MIOX: variants seen among roughly 807,000 people sequenced by gnomAD.
MIOX encodes the protein myo-inositol oxygenase.
In MIOX, 51 loss-of-function variants were observed where a neutral mutation model predicts 42.7. The observed-to-expected ratio is 1.19, with a 90% CI of 0.95 to 1.51. MIOX has a LOEUF of 1.51. Among genes scored for constraint, MIOX ranks in the 40% most tolerant of loss-of-function variants. MIOX has a pLI of 0.00. For synonymous variants in MIOX, 168 were observed against 154.4 expected (o/e 1.09, Z -0.65); for missense variants, 395 against 381.3 (o/e 1.04, Z -0.30).
At position 50,487,681 on chromosome 22, in the gene MIOX, G is replaced by A. The variant is rs760482854; in HGVS notation, c.116G>A (p.Arg39His). 4.4e-5 allele frequency: 71 copies of A among 1,613,314 alleles called. 1 individual carries two copies. Among genetic ancestry groups the A allele is most frequent in the East Asian group, 2.7e-4 (12 of 44,886 alleles). The change falls in exon 3 of 10, where the codon CGT becomes CAT. Residue 39 changes from arginine (R) to histidine (H), a missense_variant. Physicochemically the swap from Arg to His is conservative, Grantham distance 29. Coordinates refer to ENST00000216075, the MANE Select transcript of MIOX (RefSeq NM_017584.6). ...RNYTSGPLLD[R>H]VFTTYKLMHT... ...CTGCAGTCAGGTCCCCTCCTGGACC[G>A]TGTCTTCACCACCTACAAGCTCATG...
In MIOX at chr22:50,489,782, C is replaced by G. The variant is rs1230333527; in HGVS notation, c.784C>G (p.Pro262Ala). 1 of 1,612,264 alleles carries G rather than the reference C, an allele frequency of 6.2e-7. No homozygotes were observed. Among genetic ancestry groups the G allele is most frequent in the Admixed American group, 1.7e-5 (1 of 60,012 alleles). The change falls in exon 10 of 10, where the codon CCG becomes GCG. Residue 262 changes from proline to alanine, a missense_variant. Physicochemically the swap from Pro to Ala is conservative, Grantham distance 27. Coordinates refer to ENST00000216075, the MANE Select transcript of MIOX (RefSeq NM_017584.6). ...CCTCTACACCAAGTGCCCGGACCTG[C>G]CGGACGTGGACAAGCTGCGGCCCTA... ...FDLYTKCPDLPDVDKLRPYYQ... is the reference protein window; with the variant it reads ...FDLYTKCPDLADVDKLRPYYQ...
In MIOX at chr22:50,488,939, C is replaced by T; in HGVS notation, c.409-101C>T. 6.1e-6 allele frequency: 5 copies of T among 816,894 alleles called. No individual in the cohort carries two copies. The South Asian group carries it at 7.9e-5, about 13-fold the overall frequency. 50.6% of individuals were successfully genotyped at this position (816,894 alleles called of 1,614,324 possible). A position where few individuals can be genotyped will look rare whatever the true frequency, so the allele number is the denominator to read the frequency against. On this transcript the variant is annotated intron_variant, in intron 5 of 9. Coordinates refer to ENST00000216075, the MANE Select transcript of MIOX (RefSeq NM_017584.6). ...TCGGTGACACCTTCCCCCACTCCCC[C>T]CATGGCCGCCCGTCCCTCCTGTCCT...
Position 50,489,932 on chromosome 22 carries a change from A to G in MIOX, c.*76A>G. 7.1e-7 allele frequency: 1 copy of G among 1,412,334 alleles called. No homozygotes were observed. Among genetic ancestry groups the G allele is most frequent in the Non-Finnish European group, 9.9e-7 (1 of 1,012,440 alleles). The allele number at this position is 1,412,334 out of a possible 1,614,324, so 87.5% of individuals were successfully genotyped here. ...CCTGGAGAGGCCTGGCCCTGGGCAA[A>G]CAGCCGCCATCAGGGTTCACCTCGG... On this transcript the variant is annotated 3_prime_UTR_variant, in exon 10 of 10. Transcript: ENST00000216075.
chr22:50,487,404 T>G lies in MIOX; in HGVS notation c.35T>G (p.Val12Gly). The change falls in exon 2 of 10, where the codon GTC becomes GGC. Residue 12 changes from valine (V) to glycine (G), a missense_variant. By Grantham distance (109) the Val-to-Gly change is moderately radical. Coordinates refer to ENST00000216075, the MANE Select transcript of MIOX (RefSeq NM_017584.6). ...ACCCAGGGCCCAGACCCTTCCCTGG[T>G]CTACCGACCTGATGTGGACCCAGAG... ...KVTVGPDPSL[V>G]YRPDVDPEVA... 1 of 1,613,784 alleles carries G rather than the reference T, an allele frequency of 6.2e-7. No individual in the cohort carries two copies. The highest frequency in any genetic ancestry group is 8.5e-7 in the Non-Finnish European group (1 of 1,179,840).
chr22:50,489,178 C>T, intron 6 of MIOX, 29 bp downstream of exon 6: 1 of 1,612,440 alleles, frequency 6.2e-7, no homozygotes, highest in Middle Eastern at 1.7e-4. Flanking sequence ...GGCTGGGCCC[C>T]CTTCCCTGGG....
In MIOX at chr22:50,486,910, G is replaced by A. The variant is rs2068275502; in HGVS notation, c.13G>A (p.Val5Met). The change falls in exon 1 of 10, where the codon GTG becomes ATG. Residue 5 changes from valine (V) to methionine (M), a missense_variant and splice_region_variant. Physicochemically the swap from Val to Met is conservative, Grantham distance 21. Coordinates refer to ENST00000216075, the MANE Select transcript of MIOX (RefSeq NM_017584.6). MKVT[V>M]GPDPSLVYRP... ...GCTCCCTCTCAGGATGAAGGTGACG[G>A]TGGTGAGTACCCAGACCCCATGCAG... 6.2e-7 allele frequency: 1 copy of A among 1,613,858 alleles called. No homozygotes were observed. Among genetic ancestry groups the A allele is most frequent in the Middle Eastern group, 1.7e-4 (1 of 6,060 alleles).
chr22:50,489,153 C>T lies in MIOX; in HGVS notation c.518+4C>T, dbSNP rs775149293. 1.9e-6 allele frequency: 3 copies of T among 1,612,882 alleles called. No homozygotes were observed. The highest frequency in any genetic ancestry group is 1.7e-6 in the Non-Finnish European group (2 of 1,179,626). On this transcript the variant is annotated splice_donor_region_variant and intron_variant, in intron 6 of 9. Transcript: ENST00000216075. ...ACCTCCAGGATCCTCGATACAGGTG[C>T]TCCCTGCTGCTGAGGGCTGGGCCCC...
chr22:50,490,583 A>C lies in MIOX; in HGVS notation c.*727A>C, dbSNP rs2045681639. On this transcript the variant is annotated 3_prime_UTR_variant, in exon 10 of 10. Coordinates refer to ENST00000216075, the MANE Select transcript of MIOX (RefSeq NM_017584.6). ...CCGTGAGTCAAGATTGTGCCACTGC[A>C]CTCCAACCTGGGTATCAAGAGTGAA... 1 of 152,208 alleles carries C rather than the reference A, an allele frequency of 6.6e-6. No individual in the cohort carries two copies. The highest frequency in any genetic ancestry group is 2.4e-5 in the African/African-American group (1 of 41,432). The allele number at this position is 152,208 out of a possible 1,614,324, so 9.4% of individuals were successfully genotyped here.
chr22:50,489,489 G>A (rs1236941870), intron 8 of MIOX, 43 bp downstream of exon 8: 12 of 1,610,804 alleles, frequency 7.4e-6, no homozygotes, highest in African/African-American at 1.3e-5. Context: ...ACCAGGCCCG[G>A]TCCTGCAGCC....
At chr22:50,489,316 T>TGGGGCGGAGG (rs2148637211) in intron 7 of MIOX, 21 bp downstream of exon 7, 1 of 836,440 alleles carries the variant, frequency 1.2e-6, no homozygotes, top group African/African-American at 4.3e-5. Flanking sequence ...AGGCGGGCAG[T>TGGGGCGGAGG]GGGGCGGTGG....
At chr22:50,487,336 C>A in intron 1 of MIOX, 49 bp from the exon 2 acceptor site, 1 of 1,489,574 alleles carries the variant, frequency 6.7e-7, no homozygotes, top group Non-Finnish European at 9.2e-7. Context: ...TGTGCTTCCT[C>A]GTGGAGCTGA....
chr22:50,487,362 G>T, intron 1 of MIOX, 23 bp from the exon 2 acceptor site: 1 of 1,591,094 alleles, frequency 6.3e-7, no homozygotes, highest in East Asian at 2.2e-5. Context: ...TGGTGAAATA[G>T]GTTCAATCCT....
rs772041358 is a variant in MIOX at position 50,489,080 on chromosome 22, C to T, written c.449C>T (p.Pro150Leu). ...GACACCTTCCCCGTCGGATGCCGTCCGCAGGCCTCCGTGGTTTTCTGCGAC... is the reference window on the plus strand; with the variant it reads ...GACACCTTCCCCGTCGGATGCCGTCTGCAGGCCTCCGTGGTTTTCTGCGAC... ...VGDTFPVGCRPQASVVFCDST... is the reference protein window; with the variant it reads ...VGDTFPVGCRLQASVVFCDST... Residue 150 changes from proline to leucine, a missense_variant, in exon 6 of 10, where the codon CCG becomes CTG. Pro to Leu is a moderately conservative substitution (Grantham distance 98, BLOSUM62 -3). Coordinates refer to ENST00000216075, the MANE Select transcript of MIOX (RefSeq NM_017584.6). The T allele has an allele frequency of 9.9e-6, 16 of 1,612,178 alleles. No individual in the cohort carries two copies. The highest frequency in any genetic ancestry group is 5.4e-5 in the African/African-American group (4 of 74,706).
Position 50,488,333 on chromosome 22 carries a change from G to A in MIOX, c.399G>A (p.Gly133=), listed in dbSNP as rs2068301215. 3 of 1,602,560 alleles carry A rather than the reference G, an allele frequency of 1.9e-6. No homozygotes were observed. The highest frequency in any genetic ancestry group is 2.6e-6 in the Non-Finnish European group (3 of 1,173,852). Residue 133 remains glycine, a synonymous_variant, in exon 5 of 10, where the codon GGG becomes GGA. Coordinates refer to ENST00000216075, the MANE Select transcript of MIOX (RefSeq NM_017584.6). Reference sequence around the variant, plus strand: ...TGGGGAAGGTCCTGGCCCTGTTCGGGGAGCCCCAGGTAAGAGTTGGAAGTG... The same window carrying A: ...TGGGGAAGGTCCTGGCCCTGTTCGGAGAGCCCCAGGTAAGAGTTGGAAGTG... ...HDLGKVLALF[G]EPQWAVVGDT...
rs747260218 is a variant in MIOX, at chr22:50,487,480, G to A, written c.96+15G>A. 3.9e-5 allele frequency: 63 copies of A among 1,608,956 alleles called. No homozygotes were observed. The East Asian group carries it at 7.1e-4, about 18-fold the overall frequency. On this transcript the variant is annotated intron_variant, in intron 2 of 9. Coordinates refer to ENST00000216075, the MANE Select transcript of MIOX (RefSeq NM_017584.6). ...GGAACTACACGGTGAGTACCTTGCC[G>A]TCCTGCCCCCCTTCTCCCCCATCCA...
Position 50,487,966 on chromosome 22 carries a change from G to A in MIOX, c.258G>A (p.Glu86=). Residue 86 remains glutamate, a synonymous_variant, in exon 4 of 10, where the codon GAG becomes GAA. Transcript: ENST00000216075. The part of the protein sequence containing the change: ...AVDLLDGLVD[E]SDPDVDFPNS... ...ACCTGCTGGATGGGCTGGTGGATGAGTCGGACCCGGACGTAGATTTCCCCA... is the reference window on the plus strand; with the variant it reads ...ACCTGCTGGATGGGCTGGTGGATGAATCGGACCCGGACGTAGATTTCCCCA... 6.2e-7 allele frequency: 1 copy of A among 1,614,020 alleles called. No individual in the cohort carries two copies. Among genetic ancestry groups the A allele is most frequent in the Non-Finnish European group, 8.5e-7 (1 of 1,179,940 alleles).
Position 50,489,826 on chromosome 22 carries a change from C to A in MIOX, c.828C>A (p.Asp276Glu). The change falls in exon 10 of 10, where the codon GAC (aspartate) becomes GAA (glutamate). Residue 276 changes from aspartate to glutamate, a missense_variant. Asp to Glu is a conservative substitution (Grantham distance 45, BLOSUM62 2). Coordinates refer to ENST00000216075, the MANE Select transcript of MIOX (RefSeq NM_017584.6). ...GGCCCTACTACCAGGGGCTCATTGA[C>A]AAGTACTGCCCTGGCATCCTGAGCT... The part of the protein sequence containing the change: ...KLRPYYQGLI[D>E]KYCPGILSW 11 of 1,611,246 alleles carry A rather than the reference C, an allele frequency of 6.8e-6. No homozygotes were observed. The highest frequency in any genetic ancestry group is 9.3e-6 in the Non-Finnish European group (11 of 1,179,908).
chr22:50,489,522 T>G lies in MIOX; in HGVS notation c.637-10T>G. 1 of 1,612,530 alleles carries G rather than the reference T, an allele frequency of 6.2e-7. No individual in the cohort carries two copies. The highest frequency in any genetic ancestry group is 8.5e-7 in the Non-Finnish European group (1 of 1,179,798). ...GCCCCAAGTGAGCCGCTGGGTGGCC[T>G]TGCCCGCAGGCTTTCTACATGATCC... is the stretch of plus-strand genomic sequence containing the variant. On this transcript the variant is annotated splice_polypyrimidine_tract_variant and intron_variant, in intron 8 of 9. Transcript: ENST00000216075.
At position 50,489,306 on chromosome 22, in the gene MIOX, A is replaced by G. The variant is rs1276175107; in HGVS notation, c.586+11A>G. 1 of 1,112,028 alleles carries G rather than the reference A, an allele frequency of 9.0e-7. No individual in the cohort carries two copies. Among genetic ancestry groups the G allele is most frequent in the African/African-American group, 2.9e-5 (1 of 34,614 alleles). 68.9% of individuals were successfully genotyped at this position (1,112,028 alleles called of 1,614,324 possible). On this transcript the variant is annotated intron_variant, in intron 7 of 9. Transcript: ENST00000216075. ...CCTGGGGCCATGATGGTGAGGCCAG[A>G]GGCGGGCAGTGGGGCGGTGGGGGGC...
Sources: gnomAD v4.1 joint callset for allele counts on GRCh38, gnomAD v4.1.1 for gene constraint, MANE v1.5 for transcripts, NCBI Gene and HGNC (gene_info 2026-07-23, HGNC 2026-07-21) for gene names.